The following BBS4 variants were observed in gnomAD, a reference collection of about 807,000 sequenced individuals.
The protein encoded by BBS4 is Bardet-Biedl syndrome 4, also known as BBSome complex member BBS4.
A neutral mutation model predicts 71.4 loss-of-function variants in BBS4; 58 were observed. The ratio of observed to expected loss-of-function variants is 0.81; its 90% CI spans 0.66 to 1.01. BBS4 has a LOEUF of 1.01. BBS4 is among the 50% of genes least tolerant of loss of function. The probability of loss-of-function intolerance (pLI) is 0.00; values close to 1 mark genes in which losing one functional copy is unlikely to be tolerated. For missense variants in BBS4, 660 were observed against 607.9 expected (o/e 1.09, Z -0.90); for synonymous variants, 228 against 216.8 (o/e 1.05, Z -0.46).
At chr15:72,736,297 A>G (rs1334065863) in intron 14 of BBS4, among the ~76,000 whole-genome samples, 1 of 142,600 alleles carries the variant, frequency 7.0e-6, no homozygotes, top group Non-Finnish European at 1.5e-5. Context: ...GCTGGAGTGC[A>G]ATGGCGCAAT....
At chr15:72,729,225 T>C (rs1379467571) in intron 9 of BBS4, among the ~76,000 whole-genome samples, 1 of 144,226 alleles carries the variant, frequency 6.9e-6, no homozygotes, top group African/African-American at 2.6e-5. Flanking sequence ...GCATTTCTGT[T>C]CTGGGTGAGG....
rs1368727960 is a variant in BBS4, at chr15:72,727,996, T to G, written c.642+2T>G. 6.2e-7 allele frequency: 1 copy of G among 1,608,944 alleles called. No homozygotes were observed. Among genetic ancestry groups the G allele is most frequent in the Admixed American group, 1.7e-5 (1 of 60,018 alleles). ...ACTTTAGGATTACTCTACTTACAGGTAATGAAAACTCTGTACTCATTCATG... is the reference window on the plus strand; with the variant it reads ...ACTTTAGGATTACTCTACTTACAGGGAATGAAAACTCTGTACTCATTCATG... On this transcript the variant is annotated splice_donor_variant, in intron 9 of 15. Transcript: ENST00000268057. LOFTEE classifies it high-confidence loss of function.
intron 14 of BBS4, 72 bp from the exon 15 acceptor site, chr15:72,736,690 G>A: frequency 1.3e-6 from 2 of 1,488,868 alleles, no homozygotes; most frequent in South Asian, 2.3e-5. Context: ...CCAGCTCGAA[G>A]ACCAAAGAAG....
chr15:72,702,443 T>C (rs1244070186), intron 2 of BBS4, among the ~76,000 whole-genome samples: 1 of 152,148 alleles, frequency 6.6e-6, no homozygotes, highest in East Asian at 1.9e-4. Flanking sequence ...AACTTTGAGA[T>C]ACATGCACAC....
chr15:72,721,878 GA>G (rs2065583432), intron 6 of BBS4, among the ~76,000 whole-genome samples: 1 of 152,152 alleles, frequency 6.6e-6, no homozygotes, highest in Non-Finnish European at 1.5e-5. Flanking sequence ...AGGAATTTGA[GA>G]GTCCATAAAA....
intron 2 of BBS4, among the ~76,000 whole-genome samples, chr15:72,699,191 A>T (rs925897966): frequency 6.0e-5 from 9 of 150,446 alleles, no homozygotes; most frequent in African/African-American, 2.2e-4. Context: ...GGTTCAAGTG[A>T]TTCTCTTGCC....
At chr15:72,732,464 T>C (rs2065843921) in intron 12 of BBS4, among the ~76,000 whole-genome samples, 1 of 152,246 alleles carries the variant, frequency 6.6e-6, no homozygotes. Flanking sequence ...TTTTTCTCCA[T>C]ATACATTTAC....
chr15:72,721,719 C>T (rs2065580888), intron 6 of BBS4, among the ~76,000 whole-genome samples: 1 of 152,158 alleles, frequency 6.6e-6, no homozygotes, highest in Non-Finnish European at 1.5e-5. Context: ...CAGTTGTTAT[C>T]TCTGAGCCTG....
chr15:72,696,797 C>T (rs1292620620), intron 2 of BBS4, among the ~76,000 whole-genome samples: 1 of 151,982 alleles, frequency 6.6e-6, no homozygotes, highest in East Asian at 1.9e-4. Flanking sequence ...GGCTCTGTTG[C>T]CCAGGCTGGT....
chr15:72,737,108 G>A, intron 15 of BBS4, 145 bp downstream of exon 15: 2 of 1,044,134 alleles, frequency 1.9e-6, no homozygotes, highest in Non-Finnish European at 2.9e-6. Context: ...AAAACACAGG[G>A]TGGCTAAATT....
chr15:72,694,214 G>A (rs550130474), intron 1 of BBS4, among the ~76,000 whole-genome samples: 213 of 135,508 alleles, frequency 1.6e-3, no homozygotes, highest in South Asian at 5.7e-3. Context: ...TTTTTGAGAC[G>A]TAGTCTTGCT....
At chr15:72,688,166 T>A (rs2064908584) in intron 1 of BBS4, among the ~76,000 whole-genome samples, 1 of 151,866 alleles carries the variant, frequency 6.6e-6, no homozygotes, top group Admixed American at 6.6e-5. Flanking sequence ...CACAAGTGTT[T>A]GTGTAATAGA....
chr15:72,696,225 T>G (rs2065073964), intron 2 of BBS4, among the ~76,000 whole-genome samples: 1 of 152,244 alleles, frequency 6.6e-6, no homozygotes, highest in Non-Finnish European at 1.5e-5. Flanking sequence ...CCCGTTTGTC[T>G]TTATATAATA....
rs770283332 is a variant in BBS4, at chr15:72,709,819, G to A, written c.156+40G>A. Reference sequence around the variant, plus strand: ...TAATAATAAAAATGAGAGGCAGGATGTTGGGTAGGCAACTAACAGTGCCTG... The same window carrying A: ...TAATAATAAAAATGAGAGGCAGGATATTGGGTAGGCAACTAACAGTGCCTG... On this transcript the variant is annotated intron_variant, in intron 3 of 15. Coordinates refer to ENST00000268057, the MANE Select transcript of BBS4 (RefSeq NM_033028.5). 2.7e-5 allele frequency: 41 copies of A among 1,547,130 alleles called. 1 individual carries two copies. In the South Asian group the frequency reaches 4.5e-4, roughly 17 times the overall value.
chr15:72,733,120 TCCCCAGGGTCAGTAAGG>T (rs1225618372), intron 12 of BBS4, among the ~76,000 whole-genome samples: 2 of 152,074 alleles, frequency 1.3e-5, no homozygotes, highest in South Asian at 2.1e-4. Flanking sequence ...AGGGACAGTC[TCCCCAGGGTCAGTAAGG>T]CCCCAGATGT....
At chr15:72,719,020 C>T (rs1427388129) in intron 6 of BBS4, among the ~76,000 whole-genome samples, 1 of 152,118 alleles carries the variant, frequency 6.6e-6, no homozygotes, top group African/African-American at 2.4e-5. Context: ...TGACATTACC[C>T]TGCAATGAGC....
chr15:72,687,185 C>T (rs931745458), intron 1 of BBS4, among the ~76,000 whole-genome samples: 23 of 125,138 alleles, frequency 1.8e-4, no homozygotes, highest in African/African-American at 6.4e-4. Flanking sequence ...ATGGCGCGAT[C>T]TCGGCTCACT....
rs1000977139 is a variant in BBS4, at chr15:72,731,719, C to T, written c.1029C>T (p.Leu343=). The change falls in exon 12 of 16, where the codon CTC becomes CTT. Residue 343 remains leucine (L), a synonymous_variant. Transcript: ENST00000268057. ...CAAAGATGGGGGAGCTCTACATGCT[C>T]TTGGCAGGTAAGAAACATTTATGTG... ...FQPKMGELYM[L]LAVALTNLED... is the part of the protein sequence containing the mutation. 1.2e-5 allele frequency: 20 copies of T among 1,614,022 alleles called. No individual in the cohort carries two copies. The highest frequency in any genetic ancestry group is 1.6e-5 in the Non-Finnish European group (19 of 1,180,054).
intron 6 of BBS4, among the ~76,000 whole-genome samples, chr15:72,722,336 C>T (rs1463211552): frequency 2.0e-5 from 3 of 152,214 alleles, no homozygotes; most frequent in Non-Finnish European, 4.4e-5. Context: ...TAGCTCTCTT[C>T]CAATTCCAGA....
Sources: gnomAD v4.1 joint callset for allele counts (sites outside exome capture counted in the v4.1 genomes callset) on GRCh38, gnomAD v4.1.1 for gene constraint, MANE v1.5 for transcripts, NCBI Gene and HGNC (gene_info 2026-07-23, HGNC 2026-07-21) for gene names.